ARHGAP18: variants seen among roughly 807,000 people sequenced by gnomAD.
ARHGAP18 encodes the protein rho GTPase-activating protein 18.
Under a neutral mutation model 86.2 loss-of-function variants are expected in ARHGAP18, and 67 were observed. That is an observed-to-expected ratio of 0.78 (90% CI 0.64 to 0.95). ARHGAP18 has a LOEUF of 0.95. Ranked by LOEUF, ARHGAP18 falls within the 40% of genes least tolerant of loss-of-function variation. The pLI is 0.00. For missense variants in ARHGAP18, 691 were observed against 780.4 expected (o/e 0.89, Z 1.37); for synonymous variants, 283 against 280.4 (o/e 1.01, Z -0.09).
intron 3 of ARHGAP18, among the ~76,000 whole-genome samples, chr6:129,636,416 G>A (rs1351863451): frequency 2.6e-5 from 4 of 152,168 alleles, no homozygotes; most frequent in Middle Eastern, 3.4e-3. Flanking sequence ...ATAAATAATC[G>A]TTCAATTTTT....
Position 129,641,885 on chromosome 6 carries a change from C to T in ARHGAP18, c.247G>A (p.Glu83Lys). Residue 83 changes from glutamate to lysine, a missense_variant, in exon 2 of 15, where the codon GAA (glutamate) becomes AAA (lysine). Physicochemically the swap from Glu to Lys is moderately conservative, Grantham distance 56 (BLOSUM62 1). Transcript: ENST00000368149. ...TTTTCACTAGATTTCTTGATGTTTT[C>T]TAGTTCTATCCAATAGTCTTCCATA... ...LSMEDYWIEL[E>K]NIKKSSENSQ... 6.2e-7 allele frequency: 1 copy of T among 1,613,966 alleles called. No homozygotes were observed. Among genetic ancestry groups the T allele is most frequent in the South Asian group, 1.1e-5 (1 of 91,074 alleles).
At chr6:129,667,439 A>G (rs1774060803) in intron 1 of ARHGAP18, among the ~76,000 whole-genome samples, 1 of 151,056 alleles carries the variant, frequency 6.6e-6, no homozygotes, top group Admixed American at 6.6e-5. Flanking sequence ...GTCAGGCATC[A>G]ACCAGGTCTA....
chr6:129,643,495 A>G (rs950593118), intron 1 of ARHGAP18, among the ~76,000 whole-genome samples: 1 of 152,206 alleles, frequency 6.6e-6, no homozygotes, highest in Non-Finnish European at 1.5e-5. Context: ...TTCCCCAGCC[A>G]TACTGAACTG....
At chr6:129,701,822 G>A (rs1196840427) in intron 1 of ARHGAP18, among the ~76,000 whole-genome samples, 3 of 152,074 alleles carry the variant, frequency 2.0e-5, no homozygotes, top group Admixed American at 1.3e-4. Flanking sequence ...AAAGAGATGG[G>A]TCAGTTAGCT....
chr6:129,630,885 AG>A (rs1688058178), intron 4 of ARHGAP18, among the ~76,000 whole-genome samples: 1 of 152,190 alleles, frequency 6.6e-6, no homozygotes, highest in African/African-American at 2.4e-5. Context: ...CTCACAGTTA[AG>A]AAAGTAAGAA....
In ARHGAP18 at chr6:129,578,292, TCTCA is replaced by T. The variant is rs548363812; in HGVS notation, c.*217_*220del. On this transcript the variant is annotated 3_prime_UTR_variant, in exon 15 of 15. Coordinates refer to ENST00000368149, the MANE Select transcript of ARHGAP18 (RefSeq NM_033515.3). ...CCACAAACTAATTAAGCCTCTTTAC[TCTCA>T]CTCCAGAAATTTTTTTTCTAATAAT... 270 of 211,258 alleles carry T rather than the reference TCTCA, an allele frequency of 1.3e-3. No individual in the cohort carries two copies. Among genetic ancestry groups the T allele is most frequent in the Middle Eastern group, 5.0e-3 (3 of 596 alleles). 13.1% of individuals were successfully genotyped at this position (211,258 alleles called of 1,614,324 possible).
rs186818659 is a variant in ARHGAP18, at chr6:129,677,134, T to C, written c.113+32890A>G. On this transcript the variant is annotated intron_variant, in intron 1 of 14. Transcript: ENST00000368149. ...TTGGCCGGGCGCGGTGGCTCACGCC[T>C]GTAATCCCAGCACTTTGGGAGGCCG... is the stretch of plus-strand genomic sequence containing the variant. 6.1e-3 allele frequency among the ~76,000 whole-genome samples: 923 copies of C among 152,220 alleles called. 12 individuals carry two copies. The highest frequency in any genetic ancestry group is 0.022 in the African/African-American group (899 of 41,562).
In ARHGAP18 at chr6:129,688,521, C is replaced by T. The variant is rs527596340; in HGVS notation, c.113+21503G>A. 7.9e-5 allele frequency among the ~76,000 whole-genome samples: 12 copies of T among 152,214 alleles called. No homozygotes were observed. The South Asian group carries it at 1.0e-3, about 13-fold the overall frequency. On this transcript the variant is annotated intron_variant, in intron 1 of 14. Transcript: ENST00000368149. ...AAAACACGTCTTATCAGCTGGGTGC[C>T]GTGGCTCATGCCTGTAGTCCCAGCA...
chr6:129,604,606 A>G (rs536634815), intron 10 of ARHGAP18, among the ~76,000 whole-genome samples: 12 of 150,008 alleles, frequency 8.0e-5, no homozygotes, highest in Non-Finnish European at 1.8e-4. Flanking sequence ...GTCCTGGGCC[A>G]TATGTCCCTG....
intron 1 of ARHGAP18, among the ~76,000 whole-genome samples, chr6:129,655,745 A>C (rs1407127435): frequency 6.6e-6 from 1 of 152,264 alleles, no homozygotes; most frequent in Non-Finnish European, 1.5e-5. Context: ...ACAAACTTTC[A>C]TACGCCAACC....
chr6:129,697,443 T>A (rs1262236446), intron 1 of ARHGAP18, among the ~76,000 whole-genome samples: 4 of 5,760 alleles, frequency 6.9e-4, no homozygotes, highest in African/African-American at 1.7e-3. Context: ...GCAGATGGGA[T>A]TTTTTTTTTT....
chr6:129,590,854 T>C (rs1422975723), intron 12 of ARHGAP18, among the ~76,000 whole-genome samples: 8 of 152,228 alleles, frequency 5.3e-5, no homozygotes, highest in Non-Finnish European at 8.8e-5. Flanking sequence ...AGCTTGTTTA[T>C]TTCTGTAGTG....
At position 129,605,891 on chromosome 6, in the gene ARHGAP18, T is replaced by C; in HGVS notation, c.1351A>G (p.Arg451Gly). The C allele has an allele frequency of 2.5e-6, 4 of 1,613,472 alleles. No individual in the cohort carries two copies. The highest frequency in any genetic ancestry group is 3.4e-6 in the Non-Finnish European group (4 of 1,179,506). ...ACCAAGCTGACCTTCAGTGTGTCCC[T>C]GTTTGCATCAGGTAGGAGGATGACA... is the stretch of plus-strand genomic sequence containing the variant. ...LLVILLPDAN[R>G]DTLKALLEFL... The change falls in exon 10 of 15, where the codon AGG becomes GGG. Residue 451 changes from arginine (R) to glycine (G), a missense_variant. Coordinates refer to ENST00000368149, the MANE Select transcript of ARHGAP18 (RefSeq NM_033515.3).
intron 12 of ARHGAP18, among the ~76,000 whole-genome samples, chr6:129,588,675 G>C (rs150507322): frequency 2.0e-3 from 311 of 152,330 alleles, no homozygotes; most frequent in African/African-American, 7.3e-3. Context: ...GCTCCACTAG[G>C]CAGTGTCCCA....
At position 129,602,987 on chromosome 6, in the gene ARHGAP18, T is replaced by TTATATATATA. The variant is rs34563210; in HGVS notation, c.1366-2149_1366-2140dup. ...TATCTGAACCTTCAGAATTTCCCCT[T>TTATATATATA]TATATATATATATATATAATTTCAA... On this transcript the variant is annotated intron_variant, in intron 10 of 14. Transcript: ENST00000368149. 4.8e-3 allele frequency among the ~76,000 whole-genome samples: 710 copies of TTATATATATA among 146,798 alleles called. 6 individuals are homozygous for TTATATATATA. The highest frequency in any genetic ancestry group is 0.015 in the African/African-American group (616 of 40,026).
chr6:129,654,912 C>T (rs1773794666), intron 1 of ARHGAP18, among the ~76,000 whole-genome samples: 1 of 152,178 alleles, frequency 6.6e-6, no homozygotes, highest in Non-Finnish European at 1.5e-5. Flanking sequence ...TGAACCTCAG[C>T]AGAGGTCTGA....
At chr6:129,640,646 G>A (rs1773437744) in intron 2 of ARHGAP18, among the ~76,000 whole-genome samples, 1 of 152,146 alleles carries the variant, frequency 6.6e-6, no homozygotes, top group South Asian at 2.1e-4. Flanking sequence ...GATTTTTCAA[G>A]CAATGTGTAG....
chr6:129,665,092 C>A (rs549135103), intron 1 of ARHGAP18, among the ~76,000 whole-genome samples: 43 of 152,310 alleles, frequency 2.8e-4, no homozygotes, highest in African/African-American at 1.0e-3. Flanking sequence ...TTCCTCCCAC[C>A]TCTTCATTCC....
chr6:129,646,155 A>G (rs1178054045), intron 1 of ARHGAP18, among the ~76,000 whole-genome samples: 1 of 152,212 alleles, frequency 6.6e-6, no homozygotes, highest in African/African-American at 2.4e-5. Context: ...AGCAAAATGA[A>G]ATGGAAACAT....
Sources: gnomAD v4.1 joint callset for allele counts (sites outside exome capture counted in the v4.1 genomes callset) on GRCh38, gnomAD v4.1.1 for gene constraint, MANE v1.5 for transcripts, NCBI Gene and HGNC (gene_info 2026-07-23, HGNC 2026-07-21) for gene names.